The following EPHB2 variants were observed in gnomAD, a reference collection of about 807,000 sequenced individuals.
The protein encoded by EPHB2 is ephrin type-B receptor 2.
EPHB2 carries 18 observed loss-of-function variants against 96.4 expected under a neutral mutation model. The ratio of observed to expected loss-of-function variants is 0.19; its 90% CI spans 0.13 to 0.28. EPHB2 has a LOEUF of 0.28. Ranked by LOEUF, EPHB2 falls within the 10% of genes least tolerant of loss-of-function variation. The pLI is 1.00. For missense variants in EPHB2, 989 were observed against 1,355.4 expected (o/e 0.73, Z 4.25); for synonymous variants, 506 against 534.1 (o/e 0.95, Z 0.72).
intron 3 of EPHB2, among the ~76,000 whole-genome samples, chr1:22,841,696 G>T (rs1048078624): frequency 1.3e-5 from 2 of 152,200 alleles, no homozygotes; most frequent in Non-Finnish European, 2.9e-5. Flanking sequence ...GAAGGTGGGA[G>T]CAGGGGGAGG....
chr1:22,857,329 G>A (rs547815124), intron 3 of EPHB2, among the ~76,000 whole-genome samples: 17 of 152,208 alleles, frequency 1.1e-4, no homozygotes, highest in Middle Eastern at 3.4e-3. Context: ...GTGCTACAGC[G>A]GAGATGTGAG....
chr1:22,896,495 G>A lies in EPHB2; in HGVS notation c.1765+17G>A. 6.2e-7 allele frequency: 1 copy of A among 1,614,060 alleles called. No individual in the cohort carries two copies. The highest frequency in any genetic ancestry group is 8.5e-7 in the Non-Finnish European group (1 of 1,180,004). ...GTGGCCACAGTATGTACACACCCAAGCGGGCTGGAACCCTTGGGCCCTTCA... is the reference window on the plus strand; with the variant it reads ...GTGGCCACAGTATGTACACACCCAAACGGGCTGGAACCCTTGGGCCCTTCA... On this transcript the variant is annotated intron_variant, in intron 9 of 15. Transcript: ENST00000374630.
At chr1:22,747,664 G>A (rs771358117) in intron 1 of EPHB2, among the ~76,000 whole-genome samples, 2 of 152,232 alleles carry the variant, frequency 1.3e-5, no homozygotes, top group South Asian at 2.1e-4. Flanking sequence ...CAGCAGGGGC[G>A]GCCTGCAGGA....
Position 22,747,695 on chromosome 1 carries a change from G to A in EPHB2, c.62-33726G>A, listed in dbSNP as rs533949542. Among the ~76,000 whole-genome samples, 9 of 152,348 alleles carry A rather than the reference G, an allele frequency of 5.9e-5. No individual in the cohort carries two copies. In the East Asian group the frequency reaches 1.2e-3, roughly 20 times the overall value. ...CAGGAGAGCAGGCAAGCGAGCCGTC[G>A]GGGTTCCTCTGCTGTTTGGGGACTC... On this transcript the variant is annotated intron_variant, in intron 1 of 15. Transcript: ENST00000374630.
At chr1:22,766,618 T>TG (rs555908483) in intron 1 of EPHB2, among the ~76,000 whole-genome samples, 36 of 152,122 alleles carry the variant, frequency 2.4e-4, no homozygotes, top group Non-Finnish European at 2.8e-4. Flanking sequence ...CTATGGTGGT[T>TG]GGGGGGAGGA....
chr1:22,837,052 G>T (rs1001368791), intron 3 of EPHB2, among the ~76,000 whole-genome samples: 3 of 152,226 alleles, frequency 2.0e-5, no homozygotes, highest in Non-Finnish European at 2.9e-5. Flanking sequence ...GGCGGGGGAG[G>T]GGGGCCTGAA....
chr1:22,816,845 G>A (rs6660612), intron 3 of EPHB2, among the ~76,000 whole-genome samples: 67,048 of 152,096 alleles, frequency 0.44, 15,704 homozygotes, highest in East Asian at 0.8. Flanking sequence ...GGGGGAGATG[G>A]GGGCCAAGCC....
At chr1:22,793,822 G>A (rs1247739241) in intron 3 of EPHB2, among the ~76,000 whole-genome samples, 2 of 152,130 alleles carry the variant, frequency 1.3e-5, no homozygotes, top group African/African-American at 4.8e-5. Flanking sequence ...GCCCAGAGAG[G>A]GTCATCAAGC....
Position 22,910,509 on chromosome 1 carries a change from T to A in EPHB2, c.2630T>A (p.Val877Asp). 6.2e-7 allele frequency: 1 copy of A among 1,613,096 alleles called. No individual in the cohort carries two copies. The highest frequency in any genetic ancestry group is 8.5e-7 in the Non-Finnish European group (1 of 1,180,012). The stretch of plus-strand genomic sequence containing the variant: ...CACCGGCCCAAGTTCGGCCAAATTG[T>A]CAACACGCTAGACAAGATGATCCGC... The part of the protein sequence containing the change: ...RNHRPKFGQI[V>D]NTLDKMIRNP... Residue 877 changes from valine (V) to aspartate (D), a missense_variant, in exon 14 of 16, where the codon GTC (valine) becomes GAC (aspartate). Physicochemically the swap from Val to Asp is radical, Grantham distance 152. Coordinates refer to ENST00000374630, the MANE Select transcript of EPHB2 (RefSeq NM_017449.5).
chr1:22,726,195 C>T (rs1557638120), intron 1 of EPHB2, among the ~76,000 whole-genome samples: 1 of 152,204 alleles, frequency 6.6e-6, no homozygotes, highest in Non-Finnish European at 1.5e-5. Flanking sequence ...CCTCCTTCCT[C>T]CTTTTTCTCC....
At chr1:22,766,873 A>G (rs1466351335) in intron 1 of EPHB2, among the ~76,000 whole-genome samples, 1 of 152,090 alleles carries the variant, frequency 6.6e-6, no homozygotes. Context: ...GTGAGAAGGA[A>G]CCCCAGTGTG....
Position 22,913,755 on chromosome 1 carries a change from A to C in EPHB2, c.*185A>C. ...AAAACATGCAACTCAAACGACGGAA[A>C]AAAAAAGGGAATGGGAAAAAAGAAA... is the stretch of plus-strand genomic sequence containing the variant. On this transcript the variant is annotated 3_prime_UTR_variant, in exon 16 of 16. Transcript: ENST00000374630. The surrounding 1 kb of genome is among the most constrained non-coding windows in gnomAD (Gnocchi z 4.1). The C allele has an allele frequency of 1.2e-6, 2 of 1,606,136 alleles. No individual in the cohort carries two copies. Among genetic ancestry groups the C allele is most frequent in the South Asian group, 2.2e-5 (2 of 89,746 alleles).
At chr1:22,759,954 C>T (rs1644212134) in intron 1 of EPHB2, among the ~76,000 whole-genome samples, 1 of 152,152 alleles carries the variant, frequency 6.6e-6, no homozygotes, top group Non-Finnish European at 1.5e-5. Context: ...CCCCGGATCC[C>T]ACCCATGCAA....
intron 3 of EPHB2, among the ~76,000 whole-genome samples, chr1:22,837,932 C>G (rs996197596): frequency 1.3e-5 from 2 of 152,198 alleles, no homozygotes; most frequent in Non-Finnish European, 2.9e-5. Context: ...AGGCCTCCCC[C>G]AAAGAGGTGA....
chr1:22,914,009 C>A lies in EPHB2; in HGVS notation c.*439C>A. Reference sequence around the variant, plus strand: ...AAATGTGAAGGGGAGAGACAGGGGCCGCCCTTGGCTCCTGTCCCTGCTGCT... The same window carrying A: ...AAATGTGAAGGGGAGAGACAGGGGCAGCCCTTGGCTCCTGTCCCTGCTGCT... On this transcript the variant is annotated 3_prime_UTR_variant, in exon 16 of 16. Coordinates refer to ENST00000374630, the MANE Select transcript of EPHB2 (RefSeq NM_017449.5). 8.4e-7 allele frequency: 1 copy of A among 1,191,384 alleles called. No individual in the cohort carries two copies. The highest frequency in any genetic ancestry group is 1.1e-6 in the Non-Finnish European group (1 of 870,916). 73.8% of individuals were successfully genotyped at this position (1,191,384 alleles called of 1,614,324 possible).
intron 1 of EPHB2, among the ~76,000 whole-genome samples, chr1:22,728,256 C>T (rs1258700491): frequency 6.6e-6 from 1 of 152,194 alleles, no homozygotes; most frequent in African/African-American, 2.4e-5. Context: ...ATAAGGAATA[C>T]ATATGATTTA....
intron 1 of EPHB2, among the ~76,000 whole-genome samples, chr1:22,735,978 T>A (rs1000780104): frequency 1.3e-5 from 2 of 152,178 alleles, no homozygotes; most frequent in African/African-American, 4.8e-5. Context: ...AAATCCTGGC[T>A]TACACCTACA....
At chr1:22,782,391 C>T (rs925688453) in intron 2 of EPHB2, among the ~76,000 whole-genome samples, 1 of 152,086 alleles carries the variant, frequency 6.6e-6, no homozygotes, top group South Asian at 2.1e-4. Context: ...CTCTATAACC[C>T]AGCCCTTCCC....
At chr1:22,799,042 A>C (rs896008173) in intron 3 of EPHB2, among the ~76,000 whole-genome samples, 18 of 152,140 alleles carry the variant, frequency 1.2e-4, no homozygotes, top group Non-Finnish European at 2.2e-4. Flanking sequence ...GTGTCACGGC[A>C]CTGTTTTAAC....
Sources: gnomAD v4.1 joint callset for allele counts (sites outside exome capture counted in the v4.1 genomes callset) on GRCh38, gnomAD v4.1.1 for gene constraint, Gnocchi (gnomAD v3.1) non-coding constraint, MANE v1.5 for transcripts, NCBI Gene and HGNC (gene_info 2026-07-23, HGNC 2026-07-21) for gene names.